Variants in LRP1B observed in about 807,000 individuals in gnomAD.
The protein encoded by LRP1B is low-density lipoprotein receptor-related protein 1B.
Under a neutral mutation model 556.6 loss-of-function variants are expected in LRP1B, and 217 were observed. That is an observed-to-expected ratio of 0.39 (90% CI 0.35 to 0.44). The LOEUF (loss-of-function observed/expected upper bound fraction) is 0.44, where lower values mean the gene tolerates loss of function less well. Ranked by LOEUF, LRP1B falls within the 20% of genes least tolerant of loss-of-function variation. LRP1B has a pLI of 1.00. For synonymous variants in LRP1B, 2,047 were observed against 1,865.8 expected, an observed-to-expected ratio of 1.10 and a Z score of -2.50; for missense variants, 5,053 against 5,620.8, an observed-to-expected ratio of 0.90 and a Z score of 3.23.
At chr2:140,580,511 C>T (rs1397044545) in intron 43 of LRP1B, among the ~76,000 whole-genome samples, 2 of 152,180 alleles carry the variant, frequency 1.3e-5, no homozygotes, top group South Asian at 2.1e-4. Flanking sequence ...TGATTGGACT[C>T]ATGACAGAAC....
intron 27 of LRP1B, among the ~76,000 whole-genome samples, chr2:140,854,705 A>C (rs1158120819): frequency 6.6e-6 from 1 of 152,234 alleles, no homozygotes; most frequent in Non-Finnish European, 1.5e-5. Flanking sequence ...GCATTGGTTT[A>C]CATATTAGCC....
intron 1 of LRP1B, among the ~76,000 whole-genome samples, chr2:142,081,848 A>G (rs1484700871): frequency 6.6e-6 from 1 of 152,140 alleles, no homozygotes; most frequent in Non-Finnish European, 1.5e-5. Flanking sequence ...CTCTCAACCC[A>G]CTTAATCCTT....
At chr2:140,494,624 A>G (rs1414050173) in intron 56 of LRP1B, among the ~76,000 whole-genome samples, 2 of 151,812 alleles carry the variant, frequency 1.3e-5, no homozygotes, top group African/African-American at 2.4e-5. Context: ...AAAAAAAAAA[A>G]AAAAATTGTC....
In LRP1B at chr2:141,557,742, A is replaced by G. The variant is rs1686012136; in HGVS notation, c.206-77209T>C. On this transcript the variant is annotated intron_variant, in intron 2 of 90. Coordinates refer to ENST00000389484, the MANE Select transcript of LRP1B (RefSeq NM_018557.3). The stretch of plus-strand genomic sequence containing the variant: ...CCGCAGAGGGCCACCCTGCCTCTAG[A>G]CTCTAGACTAAGAGTGTATAACACA... Among the ~76,000 whole-genome samples, 3 of 151,826 alleles carry G rather than the reference A, an allele frequency of 2.0e-5. No homozygotes were observed. In the South Asian group the frequency reaches 6.2e-4, roughly 31 times the overall value.
At chr2:141,784,345 G>T (rs114450248) in intron 2 of LRP1B, among the ~76,000 whole-genome samples, 1 of 151,920 alleles carries the variant, frequency 6.6e-6, no homozygotes, top group Middle Eastern at 3.4e-3. Flanking sequence ...TTTTCTTTGC[G>T]TAGGATATAT....
chr2:141,264,987 G>A (rs1194235606), intron 3 of LRP1B, among the ~76,000 whole-genome samples: 1 of 152,154 alleles, frequency 6.6e-6, no homozygotes, highest in Non-Finnish European at 1.5e-5. Flanking sequence ...AGCAAGCCTA[G>A]GACAGGGCAC....
intron 82 of LRP1B, among the ~76,000 whole-genome samples, chr2:140,320,194 T>C (rs1456207964): frequency 1.3e-5 from 2 of 150,970 alleles, no homozygotes; most frequent in Non-Finnish European, 3.0e-5. Context: ...CTCCTAATAG[T>C]TTTAACTCTG....
At chr2:141,283,886 T>C (rs1272331732) in intron 3 of LRP1B, among the ~76,000 whole-genome samples, 1 of 152,164 alleles carries the variant, frequency 6.6e-6, no homozygotes, top group Non-Finnish European at 1.5e-5. Flanking sequence ...AGGTATTTTA[T>C]AATTGTGGAC....
At chr2:142,102,927 C>T (rs1022961112) in intron 1 of LRP1B, among the ~76,000 whole-genome samples, 1 of 151,744 alleles carries the variant, frequency 6.6e-6, no homozygotes, top group Non-Finnish European at 1.5e-5. Flanking sequence ...TTTAATTACT[C>T]CTTGAATTTC....
intron 2 of LRP1B, among the ~76,000 whole-genome samples, chr2:141,753,203 G>A (rs888626502): frequency 1.5e-5 from 2 of 129,276 alleles, no homozygotes; most frequent in South Asian, 5.1e-4. Context: ...AGCCCAGATT[G>A]CACCATTGCA....
chr2:141,627,585 T>G (rs1688747666), intron 2 of LRP1B, among the ~76,000 whole-genome samples: 1 of 152,162 alleles, frequency 6.6e-6, no homozygotes, highest in Non-Finnish European at 1.5e-5. Context: ...GAACTGCATA[T>G]GCTAAGGATC....
At chr2:140,739,810 G>A (rs189638640) in intron 35 of LRP1B, among the ~76,000 whole-genome samples, 323 of 152,012 alleles carry the variant, frequency 2.1e-3, no homozygotes, top group African/African-American at 7.5e-3. Context: ...AAACTTCAAT[G>A]AACCCAAACA....
intron 2 of LRP1B, among the ~76,000 whole-genome samples, chr2:141,517,839 G>A (rs577636772): frequency 6.6e-6 from 1 of 152,162 alleles, no homozygotes; most frequent in Admixed American, 6.5e-5. Flanking sequence ...TTCATTTAAA[G>A]GATGTGGGAA....
At chr2:141,098,956 A>G (rs1700392795) in intron 7 of LRP1B, among the ~76,000 whole-genome samples, 1 of 152,210 alleles carries the variant, frequency 6.6e-6, no homozygotes, top group African/African-American at 2.4e-5. Context: ...AATAGCCATT[A>G]AAATGTCTCA....
chr2:142,107,637 T>G (rs980039148), intron 1 of LRP1B, among the ~76,000 whole-genome samples: 20 of 151,950 alleles, frequency 1.3e-4, no homozygotes, highest in African/African-American at 4.8e-4. Flanking sequence ...TGTTTTGTTT[T>G]GTTGTTTTGA....
At position 140,291,560 on chromosome 2, in the gene LRP1B, G is replaced by A. The variant is rs115719662; in HGVS notation, c.12967+6248C>T. 3.3e-3 allele frequency among the ~76,000 whole-genome samples: 495 copies of A among 151,560 alleles called. 4 individuals carry two copies. Among genetic ancestry groups the A allele is most frequent in the African/African-American group, 9.9e-3 (408 of 41,366 alleles). On this transcript the variant is annotated intron_variant, in intron 84 of 90. Transcript: ENST00000389484. Reference sequence around the variant, plus strand: ...CCACCCATGACTGAGAACATGCAGCGTTTGGTTTCTTGTCCTTGCGATAGT... The same window carrying A: ...CCACCCATGACTGAGAACATGCAGCATTTGGTTTCTTGTCCTTGCGATAGT...
intron 66 of LRP1B, among the ~76,000 whole-genome samples, chr2:140,438,125 T>C (rs890631675): frequency 1.3e-5 from 2 of 152,140 alleles, no homozygotes; most frequent in African/African-American, 4.8e-5. Context: ...TAACCGACCC[T>C]CCAGCCTCAG....
At chr2:140,990,560 T>TA (rs34990139) in intron 16 of LRP1B, among the ~76,000 whole-genome samples, 37 of 148,576 alleles carry the variant, frequency 2.5e-4, no homozygotes, top group Middle Eastern at 3.5e-3. Context: ...CTGTATTACT[T>TA]AAAAAAAAAA....
intron 11 of LRP1B, among the ~76,000 whole-genome samples, chr2:141,046,539 T>C (rs1698874874): frequency 6.6e-6 from 1 of 152,126 alleles, no homozygotes. Flanking sequence ...ATATTTCAGG[T>C]GTGAAAATTT....
Sources: allele counts gnomAD v4.1 joint callset (sites outside exome capture counted in the v4.1 genomes callset), GRCh38; gene constraint gnomAD v4.1.1; transcripts MANE v1.5; gene names NCBI Gene and HGNC (gene_info 2026-07-23, HGNC 2026-07-21).